Variants in PDE8A observed in about 807,000 individuals in gnomAD.
PDE8A encodes high affinity cAMP-specific and IBMX-insensitive 3',5'-cyclic phosphodiesterase 8A.
A neutral mutation model predicts 105.0 loss-of-function variants in PDE8A; 59 were observed. That is an observed-to-expected ratio of 0.56 (90% CI 0.46 to 0.70). The LOEUF is 0.70. PDE8A is among the 30% of genes least tolerant of loss of function. PDE8A has a pLI of 0.00. For missense variants in PDE8A, 1,014 were observed against 1,045.9 expected, an observed-to-expected ratio of 0.97 and a Z score of 0.42; for synonymous variants, 355 against 371.9, an observed-to-expected ratio of 0.95 and a Z score of 0.52.
At chr15:85,117,100 A>G (rs2082108028) in intron 16 of PDE8A, among the ~76,000 whole-genome samples, 1 of 152,196 alleles carries the variant, frequency 6.6e-6, no homozygotes, top group Non-Finnish European at 1.5e-5. Context: ...CCAGCTGGAA[A>G]CCTCAGGGGA....
chr15:85,136,493 C>G (rs368128429), intron 20 of PDE8A, 41 bp from the exon 21 acceptor site: 31 of 1,590,588 alleles, frequency 1.9e-5, no homozygotes, highest in Non-Finnish European at 2.6e-5. Flanking sequence ...TGGAGTGGAA[C>G]CAGATGTTGG....
intron 17 of PDE8A, 50 bp from the exon 18 acceptor site, chr15:85,120,747 C>T (rs1487520007): frequency 8.8e-7 from 1 of 1,139,294 alleles, no homozygotes; most frequent in East Asian, 2.4e-5. Flanking sequence ...CAGAAGGCTT[C>T]CTTGCCTTCA....
chr15:85,039,683 C>G (rs2080769165), intron 1 of PDE8A, among the ~76,000 whole-genome samples: 3 of 152,268 alleles, frequency 2.0e-5, no homozygotes, highest in Middle Eastern at 3.4e-3. Context: ...GTTTTATTCA[C>G]AACAGCCAAG....
intron 17 of PDE8A, among the ~76,000 whole-genome samples, chr15:85,118,126 C>T (rs2082124906): frequency 6.6e-6 from 1 of 152,180 alleles, no homozygotes; most frequent in Non-Finnish European, 1.5e-5. Context: ...GGGGGTCTCA[C>T]TCCAAGCCTG....
At chr15:84,985,257 G>A (rs1281322832) in intron 1 of PDE8A, among the ~76,000 whole-genome samples, 1 of 152,152 alleles carries the variant, frequency 6.6e-6, no homozygotes, top group Non-Finnish European at 1.5e-5. Flanking sequence ...TGATTCCAAA[G>A]GTACTTTAGA....
chr15:85,017,474 A>G (rs2141345851), intron 1 of PDE8A, among the ~76,000 whole-genome samples: 1 of 152,322 alleles, frequency 6.6e-6, no homozygotes, highest in African/African-American at 2.4e-5. Flanking sequence ...TATCTTTAAT[A>G]CAGTGTTAAA....
At chr15:84,995,275 C>T (rs1249610378) in intron 1 of PDE8A, among the ~76,000 whole-genome samples, 1 of 151,492 alleles carries the variant, frequency 6.6e-6, no homozygotes, top group Non-Finnish European at 1.5e-5. Flanking sequence ...ATTAGTTTTG[C>T]CTGTTCTAAT....
intron 1 of PDE8A, among the ~76,000 whole-genome samples, chr15:85,012,605 G>C (rs1349034895): frequency 4.0e-5 from 6 of 150,896 alleles, no homozygotes; most frequent in Non-Finnish European, 7.4e-5. Context: ...GCTAAATGAC[G>C]AGTTAATGGG....
chr15:85,125,345 T>C (rs554486805), intron 19 of PDE8A, among the ~76,000 whole-genome samples: 1 of 152,340 alleles, frequency 6.6e-6, no homozygotes, highest in Non-Finnish European at 1.5e-5. Context: ...TGCTTGCCTT[T>C]AGTCTTTTTC....
At chr15:85,013,710 T>C (rs534327286) in intron 1 of PDE8A, among the ~76,000 whole-genome samples, 1 of 152,344 alleles carries the variant, frequency 6.6e-6, no homozygotes, top group East Asian at 1.9e-4. Flanking sequence ...TTTCTTTGGT[T>C]CAGGAATTTG....
At chr15:85,112,945 T>G (rs2082040793) in intron 12 of PDE8A, among the ~76,000 whole-genome samples, 1 of 152,188 alleles carries the variant, frequency 6.6e-6, no homozygotes, top group Non-Finnish European at 1.5e-5. Flanking sequence ...GAAATTTGTG[T>G]ATTTCAGTTA....
intron 1 of PDE8A, among the ~76,000 whole-genome samples, chr15:85,026,274 G>T (rs1227182220): frequency 6.6e-6 from 1 of 152,148 alleles, no homozygotes; most frequent in Admixed American, 6.5e-5. Context: ...TTCCATGATG[G>T]CTGGGGGTTG....
At chr15:85,064,307 GAA>G (rs2081188216) in intron 1 of PDE8A, 61 bp from the exon 2 acceptor site, 1 of 1,295,892 alleles carries the variant, frequency 7.7e-7, no homozygotes. Flanking sequence ...TTTAGAGAGA[GAA>G]AAAGTTAAGC....
intron 6 of PDE8A, among the ~76,000 whole-genome samples, chr15:85,086,668 G>A (rs1403731790): frequency 6.6e-6 from 1 of 152,140 alleles, no homozygotes; most frequent in African/African-American, 2.4e-5. Context: ...ATAAAACCCA[G>A]TAGGGCTTCT....
intron 9 of PDE8A, among the ~76,000 whole-genome samples, chr15:85,098,804 T>A (rs1051252948): frequency 4.6e-5 from 7 of 152,042 alleles, no homozygotes; most frequent in Middle Eastern, 3.4e-3. Context: ...CTACAAAAAA[T>A]GTAAAAATTA....
chr15:85,095,001 T>C (rs759860101), intron 8 of PDE8A, among the ~76,000 whole-genome samples: 33 of 152,184 alleles, frequency 2.2e-4, no homozygotes, highest in Non-Finnish European at 3.7e-4. Context: ...CAAGTGTTCT[T>C]TGACAGTTTA....
At chr15:84,997,888 G>A (rs556383636) in intron 1 of PDE8A, among the ~76,000 whole-genome samples, 1 of 152,274 alleles carries the variant, frequency 6.6e-6, no homozygotes, top group South Asian at 2.1e-4. Context: ...GAGCCACTGC[G>A]CCCAGCCATG....
chr15:85,065,708 C>A (rs1021171185), intron 2 of PDE8A, among the ~76,000 whole-genome samples: 1 of 152,236 alleles, frequency 6.6e-6, no homozygotes, highest in Non-Finnish European at 1.5e-5. Context: ...GTTTCACAGG[C>A]TGCCCATCTC....
At chr15:85,031,670 T>G (rs956301151) in intron 1 of PDE8A, among the ~76,000 whole-genome samples, 3 of 152,170 alleles carry the variant, frequency 2.0e-5, no homozygotes, top group Non-Finnish European at 4.4e-5. Flanking sequence ...AAATCTATAA[T>G]TAGGAATAAT....
Sources: gnomAD v4.1 joint callset for allele counts (sites outside exome capture counted in the v4.1 genomes callset) on GRCh38, gnomAD v4.1.1 for gene constraint, MANE v1.5 for transcripts, NCBI Gene and HGNC (gene_info 2026-07-23, HGNC 2026-07-21) for gene names.